ULK3: variants seen among roughly 807,000 people sequenced by gnomAD.
ULK3 encodes the protein serine/threonine-protein kinase ULK3.
In ULK3, 54 loss-of-function variants were observed where a neutral mutation model predicts 69.4. That is an observed-to-expected ratio of 0.78 (90% CI 0.63 to 0.98). ULK3 has a LOEUF of 0.98. Ranked by LOEUF, ULK3 falls within the 50% of genes least tolerant of loss-of-function variation. The probability of loss-of-function intolerance (pLI) is 0.00; values close to 1 mark genes in which losing one functional copy is unlikely to be tolerated. For synonymous variants in ULK3, 240 were observed against 254.5 expected (o/e 0.94, Z 0.54); for missense variants, 558 against 627.7 (o/e 0.89, Z 1.19).
intron 3 of ULK3, 51 bp from the exon 4 acceptor site, chr15:74,841,560 G>T: frequency 6.7e-7 from 1 of 1,497,934 alleles, no homozygotes; most frequent in East Asian, 2.3e-5. Context: ...ATTCCCGCCT[G>T]CCTCTCGCCT....
rs1488757090 is a variant in ULK3 at position 74,837,248 on chromosome 15, CG to C, written c.1403-5del. On this transcript the variant is annotated splice_region_variant and splice_polypyrimidine_tract_variant and intron_variant, in intron 15 of 15. Transcript: ENST00000440863. Reference sequence around the variant, plus strand: ...TAGGGTCACTGAAGGGTGCAAGCTACGGGGGTGAGGGGGACAATGGGGGAGG... The same window carrying C: ...TAGGGTCACTGAAGGGTGCAAGCTACGGGGTGAGGGGGACAATGGGGGAGG... The C allele has an allele frequency of 9.4e-6, 15 of 1,587,802 alleles. No homozygotes were observed. The highest frequency in any genetic ancestry group is 1.2e-5 in the Non-Finnish European group (14 of 1,165,778).
chr15:74,840,578 A>AG lies in ULK3; in HGVS notation c.532dup (p.Leu178ProfsTer14). ...GCACACCATCTCGGGGGCCATGTAG[A>AG]GGGGGGAGCCACGGAGCACGTGCTT... On this transcript the variant is annotated frameshift_variant, in exon 5 of 16. Coordinates refer to ENST00000440863, the MANE Select transcript of ULK3 (RefSeq NM_001099436.4). LOFTEE classifies it high-confidence loss of function. The AG allele has an allele frequency of 1.9e-6, 3 of 1,608,676 alleles. No homozygotes were observed. The highest frequency in any genetic ancestry group is 1.7e-6 in the Non-Finnish European group (2 of 1,178,278).
chr15:74,841,431 A>C lies in ULK3; in HGVS notation c.443T>G (p.Leu148Trp). The C allele has an allele frequency of 6.2e-7, 1 of 1,613,876 alleles. No homozygotes were observed. The highest frequency in any genetic ancestry group is 8.5e-7 in the Non-Finnish European group (1 of 1,179,830). The change falls in exon 4 of 16, where the codon TTG becomes TGG. Residue 148 changes from leucine to tryptophan, a missense_variant. Coordinates refer to ENST00000440863, the MANE Select transcript of ULK3 (RefSeq NM_001099436.4). ...LKPQNILLSS[L>W]EKPHLKLADF... ...TGCCAGTTTTAGGTGGGGCTTCTCC[A>C]AGGAGCTCAGTAGAATGTTCTGTGG...
At position 74,840,584 on chromosome 15, in the gene ULK3, G is replaced by T; in HGVS notation, c.527C>A (p.Ser176Tyr). 1 of 1,607,310 alleles carries T rather than the reference G, an allele frequency of 6.2e-7. No homozygotes were observed. Among genetic ancestry groups the T allele is most frequent in the Non-Finnish European group, 8.5e-7 (1 of 1,177,738 alleles). Residue 176 changes from serine to tyrosine, a missense_variant, in exon 5 of 16, where the codon TCC becomes TAC. Transcript: ENST00000440863. ...CATCTCGGGGGCCATGTAGAGGGGG[G>T]AGCCACGGAGCACGTGCTTCTCATC... ...PWDEKHVLRGSPLYMAPEMVC... is the reference protein window; with the variant it reads ...PWDEKHVLRGYPLYMAPEMVC...
At position 74,840,486 on chromosome 15, in the gene ULK3, A is replaced by G; in HGVS notation, c.613+12T>C. On this transcript the variant is annotated intron_variant, in intron 5 of 15. Coordinates refer to ENST00000440863, the MANE Select transcript of ULK3 (RefSeq NM_001099436.4). ...AGGCCTCAGGGTGAGAAGCAGGGAA[A>G]AGAGGTCTCACCATACAGGATGACC... is the stretch of plus-strand genomic sequence containing the variant. 8 of 1,601,098 alleles carry G rather than the reference A, an allele frequency of 5.0e-6. No homozygotes were observed. Among genetic ancestry groups the G allele is most frequent in the Non-Finnish European group, 6.8e-6 (8 of 1,174,136 alleles).
chr15:74,843,111 C>A lies in ULK3; in HGVS notation c.-6G>T. ...CCCCAGCCGGGCCCCGCCATTCCGG[C>A]CGCCTGCGCCCGCGCGGGCGCTTCC... On this transcript the variant is annotated 5_prime_UTR_variant, in exon 1 of 16. Coordinates refer to ENST00000440863, the MANE Select transcript of ULK3 (RefSeq NM_001099436.4). 1 of 1,279,536 alleles carries A rather than the reference C, an allele frequency of 7.8e-7. No individual in the cohort carries two copies. Among genetic ancestry groups the A allele is most frequent in the Non-Finnish European group, 9.9e-7 (1 of 1,009,714 alleles). 79.3% of individuals were successfully genotyped at this position (1,279,536 alleles called of 1,614,324 possible). A position where few individuals can be genotyped will look rare whatever the true frequency, so the allele number is the denominator to read the frequency against.
chr15:74,839,364 C>G lies in ULK3; in HGVS notation c.862G>C (p.Val288Leu). Residue 288 changes from valine (V) to leucine (L), a missense_variant, in exon 8 of 16, where the codon GTG (valine) becomes CTG (leucine). By Grantham distance (32) the Val-to-Leu change is conservative. Coordinates refer to ENST00000440863, the MANE Select transcript of ULK3 (RefSeq NM_001099436.4). ...TGGTCTTTCTTCACAGCCTGCACCA[C>G]CAGGGCGGTCTGGGGATGGGCAGAT... is the stretch of plus-strand genomic sequence containing the variant. Reference protein sequence around the residue: ...GESLGRATALVVQAVKKDQEG... With the variant: ...GESLGRATALLVQAVKKDQEG... The G allele has an allele frequency of 6.4e-7, 1 of 1,560,980 alleles. No individual in the cohort carries two copies. The highest frequency in any genetic ancestry group is 1.4e-5 in the African/African-American group (1 of 73,656).
Position 74,838,054 on chromosome 15 carries a change from A to G in ULK3, c.1287+98T>C, listed in dbSNP as rs2064088575. The G allele has an allele frequency of 8.7e-6, 13 of 1,497,774 alleles. 1 individual carries two copies. In the African/African-American group the frequency reaches 9.7e-5, roughly 11 times the overall value. 92.8% of individuals were successfully genotyped at this position (1,497,774 alleles called of 1,614,324 possible). A position where few individuals can be genotyped will look rare whatever the true frequency, so the allele number is the denominator to read the frequency against. On this transcript the variant is annotated intron_variant, in intron 13 of 15. Transcript: ENST00000440863. ...ACTTCCAGACTTGGAACACCCTGACAGTGGGACATTCCAGAGGGAACCCAA... is the reference window on the plus strand; with the variant it reads ...ACTTCCAGACTTGGAACACCCTGACGGTGGGACATTCCAGAGGGAACCCAA...
Position 74,840,236 on chromosome 15 carries a change from C to T in ULK3, c.694G>A (p.Glu232Lys), listed in dbSNP as rs758913901. The T allele has an allele frequency of 3.7e-6, 6 of 1,608,202 alleles. No individual in the cohort carries two copies. Among genetic ancestry groups the T allele is most frequent in the East Asian group, 2.2e-5 (1 of 44,630 alleles). Residue 232 changes from glutamate to lysine, a missense_variant and splice_region_variant, in exon 6 of 16, where the codon GAG (glutamate) becomes AAG (lysine). Transcript: ENST00000440863. ...EEKIRSNRVI[E>K]LPLRPLLSRD... ...CGCTAAGGCCCTGCTAGACACACCTCGATGACCCGGTTGCTACGGATCTTC... is the reference window on the plus strand; with the variant it reads ...CGCTAAGGCCCTGCTAGACACACCTTGATGACCCGGTTGCTACGGATCTTC...
chr15:74,842,121 G>A lies in ULK3; in HGVS notation c.318C>T (p.Arg106=). The A allele has an allele frequency of 6.2e-7, 1 of 1,613,972 alleles. No homozygotes were observed. ...GCGCCACCTTCTCAGGCAGAATCCT[G>A]CGGGTATGGATGAAGCGAGACAGGT... ...GGDLSRFIHT[R]RILPEKVARV... is the part of the protein sequence containing the mutation. The change falls in exon 3 of 16, where the codon CGC becomes CGT. Residue 106 remains arginine (R), a synonymous_variant. Coordinates refer to ENST00000440863, the MANE Select transcript of ULK3 (RefSeq NM_001099436.4). The surrounding 1 kb of genome is among the most constrained non-coding windows in gnomAD (Gnocchi z 4.9).
In ULK3 at chr15:74,838,147, G is replaced by C. The variant is rs373491881; in HGVS notation, c.1287+5C>G. 4 of 1,555,052 alleles carry C rather than the reference G, an allele frequency of 2.6e-6. No individual in the cohort carries two copies. The highest frequency in any genetic ancestry group is 2.7e-5 in the African/African-American group (2 of 73,340). On this transcript the variant is annotated splice_donor_5th_base_variant and intron_variant, in intron 13 of 15. Coordinates refer to ENST00000440863, the MANE Select transcript of ULK3 (RefSeq NM_001099436.4). The stretch of plus-strand genomic sequence containing the variant: ...CCCCCCAACCCTCTCAAGCTCAGTG[G>C]GCACCTCAGTGTGAAGCAGCTCCCG...
chr15:74,839,659 G>A lies in ULK3; in HGVS notation c.751C>T (p.Leu251=), dbSNP rs1021115820. The A allele has an allele frequency of 3.9e-6, 6 of 1,554,334 alleles. No homozygotes were observed. Among genetic ancestry groups the A allele is most frequent in the African/African-American group, 2.7e-5 (2 of 73,318 alleles). Reference sequence around the variant, plus strand: ...ATGCGACGGCTGGGGTCCCGCTCCAGGAGCCGCTGCAGTAGGTCCCGGCAG... The same window carrying A: ...ATGCGACGGCTGGGGTCCCGCTCCAAGAGCCGCTGCAGTAGGTCCCGGCAG... ...RDCRDLLQRL[L]ERDPSRRISF... The change falls in exon 7 of 16, where the codon CTG becomes TTG. Residue 251 remains leucine (L), a synonymous_variant. Transcript: ENST00000440863.
intron 6 of ULK3, among the ~76,000 whole-genome samples, chr15:74,839,978 A>G (rs936229): frequency 0.67 from 101,644 of 151,972 alleles, 34,270 homozygotes; most frequent in Middle Eastern, 0.74. Context: ...CTATGCTCCT[A>G]GGAAGGCTGG....
intron 8 of ULK3, 72 bp from the exon 9 acceptor site, chr15:74,839,122 C>T: frequency 6.4e-7 from 1 of 1,552,402 alleles, no homozygotes; most frequent in Non-Finnish European, 8.7e-7. Context: ...CTCTGGAATC[C>T]CTCAAAACAC....
intron 14 of ULK3, 90 bp from the exon 15 acceptor site, chr15:74,837,525 ACACGAGCCACAG>A: frequency 2.1e-6 from 2 of 931,152 alleles, no homozygotes; most frequent in Non-Finnish European, 1.7e-6. Context: ...AAGGACGGGG[ACACGAGCCACAG>A]CGCAGTGCCG....
Position 74,838,333 on chromosome 15 carries a change from G to T in ULK3, c.1179C>A (p.Ala393=). The T allele has an allele frequency of 6.4e-7, 1 of 1,568,326 alleles. No homozygotes were observed. Among genetic ancestry groups the T allele is most frequent in the Non-Finnish European group, 8.6e-7 (1 of 1,156,966 alleles). Residue 393 remains alanine (A), a synonymous_variant, in exon 12 of 16, where the codon GCC becomes GCA. Transcript: ENST00000440863. ...ASAAMAKEEA[A]GGEQDALDLY... ...GGTCCAGGGCATCCTGCTCCCCGCC[G>T]GCGGCCTCCTCCTGCAGCCACAAGG... is the stretch of plus-strand genomic sequence containing the variant.
rs200900058 is a variant in ULK3, at chr15:74,839,371, G to T, written c.855C>A (p.Thr285=). The T allele has an allele frequency of 1.3e-6, 2 of 1,559,288 alleles. No individual in the cohort carries two copies. Among genetic ancestry groups the T allele is most frequent in the Non-Finnish European group, 1.7e-6 (2 of 1,151,322 alleles). The change falls in exon 8 of 16, where the codon ACC becomes ACA. Residue 285 remains threonine (T), a splice_region_variant and synonymous_variant. Transcript: ENST00000440863. ...MPSGESLGRA[T]ALVVQAVKKD... is the part of the protein sequence containing the mutation. ...TCTTCACAGCCTGCACCACCAGGGC[G>T]GTCTGGGGATGGGCAGATCAGGGGT...
At position 74,843,080 on chromosome 15, in the gene ULK3, G is replaced by C. The variant is rs1179716185; in HGVS notation, c.26C>G (p.Pro9Arg). Residue 9 changes from proline (P) to arginine (R), a missense_variant, in exon 1 of 16, where the codon CCG (proline) becomes CGG (arginine). Pro to Arg is a moderately radical substitution (Grantham distance 103). Coordinates refer to ENST00000440863, the MANE Select transcript of ULK3 (RefSeq NM_001099436.4). ...GGTGAGGATGAAGCCGTCCAGGCGC[G>C]GGGGACCCCAGCCGGGCCCCGCCAT... MAGPGWGP[P>R]RLDGFILTER... 2 of 1,409,490 alleles carry C rather than the reference G, an allele frequency of 1.4e-6. No homozygotes were observed. The highest frequency in any genetic ancestry group is 3.0e-5 in the East Asian group (1 of 33,008). 87.3% of individuals were successfully genotyped at this position (1,409,490 alleles called of 1,614,324 possible).
chr15:74,837,782 G>T lies in ULK3; in HGVS notation c.1304C>A (p.Ala435Asp), dbSNP rs1301966184. 1.3e-6 allele frequency: 2 copies of T among 1,598,440 alleles called. No homozygotes were observed. Among genetic ancestry groups the T allele is most frequent in the Admixed American group, 1.7e-5 (1 of 57,808 alleles). Residue 435 changes from alanine (A) to aspartate (D), a missense_variant, in exon 14 of 16, where the codon GCC becomes GAC. Ala to Asp is a moderately radical substitution (Grantham distance 126). Transcript: ENST00000440863. ...CTGCTCCTTCAAGTATTCAGCTCGG[G>T]CCATGAGGTTCTGAACCTGCCAAGG... is the stretch of plus-strand genomic sequence containing the variant. ...LLHTEVQNLM[A>D]RAEYLKEQVK...
Sources: allele counts gnomAD v4.1 joint callset (sites outside exome capture counted in the v4.1 genomes callset), GRCh38; gene constraint gnomAD v4.1.1; non-coding constraint Gnocchi (gnomAD v3.1); transcripts MANE v1.5; gene names NCBI Gene and HGNC (gene_info 2026-07-23, HGNC 2026-07-21).